Variants in ZNF563 observed in about 807,000 individuals in gnomAD.
The protein encoded by ZNF563 is zinc finger protein 563.
ZNF563 carries 39 observed loss-of-function variants against 48.5 expected under a neutral mutation model. The ratio of observed to expected loss-of-function variants is 0.80; its 90% confidence interval spans 0.62 to 1.05. The LOEUF (loss-of-function observed/expected upper bound fraction) is 1.05. ZNF563 is among the 50% of genes least tolerant of loss of function. ZNF563 has a pLI of 0.00. For synonymous variants in ZNF563, 168 were observed against 187.9 expected (o/e 0.89, Z 0.87); for missense variants, 538 against 597.0 (o/e 0.90, Z 1.03).
chr19:12,344,915 A>G, the ZNF563 span, among the ~76,000 whole-genome samples: 1 of 152,194 alleles, frequency 6.6e-6, no homozygotes, highest in African/African-American at 2.4e-5. Flanking sequence ...TCAGCTGCTA[A>G]CAATGAATAA....
chr19:12,323,277 G>A (rs1968682556), intron 1 of ZNF563, among the ~76,000 whole-genome samples: 2 of 152,200 alleles, frequency 1.3e-5, no homozygotes. Flanking sequence ...GAGTGTATGT[G>A]ATCAGCCACT....
chr19:12,323,387 G>A (rs1327527521), intron 1 of ZNF563, among the ~76,000 whole-genome samples: 1 of 152,228 alleles, frequency 6.6e-6, no homozygotes, highest in East Asian at 1.9e-4. Flanking sequence ...ATTGAGTCTT[G>A]AAGGTTCAGA....
At chr19:12,339,748 G>T in the ZNF563 span, among the ~76,000 whole-genome samples, 1 of 152,016 alleles carries the variant, frequency 6.6e-6, no homozygotes, top group Non-Finnish European at 1.5e-5. Flanking sequence ...GAAGGTGAAG[G>T]GAGAATATTT....
At chr19:12,343,722 ATTC>A in the ZNF563 span, among the ~76,000 whole-genome samples, 1 of 143,974 alleles carries the variant, frequency 6.9e-6, no homozygotes, top group South Asian at 2.2e-4. Flanking sequence ...TGAAGCATAA[ATTC>A]TTTTTTTTTT....
Position 12,319,455 on chromosome 19 carries a change from C to T in ZNF563, c.570G>A (p.Val190=). The T allele has an allele frequency of 1.2e-6, 2 of 1,614,218 alleles. No individual in the cohort carries two copies. Among genetic ancestry groups the T allele is most frequent in the Non-Finnish European group, 1.7e-6 (2 of 1,180,040 alleles). Residue 190 remains valine (V), a synonymous_variant, in exon 4 of 4, where the codon GTG becomes GTA. Coordinates refer to ENST00000293725, the MANE Select transcript of ZNF563 (RefSeq NM_145276.3). ...ATTTATAAGGTCTATTTCCACCTTG[C>T]ACTACCATGTGTCTTCGAAGGTTTC... ...SRRNLRRHMV[V]QGGNRPYKCK...
chr19:12,318,439 C>T lies in ZNF563; in HGVS notation c.*155G>A. On this transcript the variant is annotated 3_prime_UTR_variant, in exon 4 of 4. Transcript: ENST00000293725. ...TTCCCACATTCCTTATATCATACAG[C>T]ATCTCTCCAGTGTGAGATATTTCAT... 2.4e-6 allele frequency: 2 copies of T among 844,692 alleles called. No homozygotes were observed. The highest frequency in any genetic ancestry group is 3.6e-6 in the Non-Finnish European group (2 of 556,284). 52.3% of individuals were successfully genotyped at this position (844,692 alleles called of 1,614,324 possible).
chr19:12,319,183 T>C lies in ZNF563; in HGVS notation c.842A>G (p.Tyr281Cys). The change falls in exon 4 of 4, where the codon TAT becomes TGT. Residue 281 changes from tyrosine (Y) to cysteine (C), a missense_variant. Physicochemically the swap from Tyr to Cys is radical, Grantham distance 194 (BLOSUM62 -2). Transcript: ENST00000293725. ...GGCTTTCCCACACTGTTTACATGTA[T>C]ATGGTTTCTCTCCAGTGTGAGTTCT... is the stretch of plus-strand genomic sequence containing the variant. ...HERTHTGEKP[Y>C]TCKQCGKAFS... The C allele has an allele frequency of 6.2e-7, 1 of 1,614,208 alleles. No individual in the cohort carries two copies. The highest frequency in any genetic ancestry group is 8.5e-7 in the Non-Finnish European group (1 of 1,180,034).
upstream of ZNF563, among the ~76,000 whole-genome samples, chr19:12,334,510 G>C (rs1968994635): frequency 6.6e-6 from 1 of 152,116 alleles, no homozygotes; most frequent in Admixed American, 6.5e-5. Context: ...TGTGCCCTCT[G>C]CAGAGTGTGG....
the ZNF563 span, among the ~76,000 whole-genome samples, chr19:12,343,999 G>A: frequency 6.6e-6 from 1 of 151,912 alleles, no homozygotes; most frequent in Non-Finnish European, 1.5e-5. Flanking sequence ...AAAGTGCTGG[G>A]ATTACAGGCT....
At position 12,318,717 on chromosome 19, in the gene ZNF563, A is replaced by G; in HGVS notation, c.1308T>C (p.Phe436=). 6.2e-7 allele frequency: 1 copy of G among 1,614,228 alleles called. No individual in the cohort carries two copies. Among genetic ancestry groups the G allele is most frequent in the Non-Finnish European group, 8.5e-7 (1 of 1,180,034 alleles). ...CCGTATGCATTACCATATGTCTTCGAAAGCTTGAGCTATGAGATAACGCTT... is the reference window on the plus strand; with the variant it reads ...CCGTATGCATTACCATATGTCTTCGGAAGCTTGAGCTATGAGATAACGCTT... ...CGKALSHSSS[F]RRHMVMHTGD... is the part of the protein sequence containing the mutation. The change falls in exon 4 of 4, where the codon TTT becomes TTC. Residue 436 remains phenylalanine, a synonymous_variant. Coordinates refer to ENST00000293725, the MANE Select transcript of ZNF563 (RefSeq NM_145276.3).
At chr19:12,337,175 TGTC>T (rs1568481327), upstream of ZNF563, among the ~76,000 whole-genome samples, 1 of 152,112 alleles carries the variant, frequency 6.6e-6, no homozygotes, top group African/African-American at 2.4e-5. Context: ...ATAATATTAA[TGTC>T]ACCCCTTACC....
the ZNF563 span, among the ~76,000 whole-genome samples, chr19:12,339,827 A>G: frequency 1.3e-5 from 2 of 152,232 alleles, no homozygotes; most frequent in African/African-American, 4.8e-5. Flanking sequence ...AAGAAGCTCA[A>G]CGAACTCTAA....
the ZNF563 span, among the ~76,000 whole-genome samples, chr19:12,341,139 C>T: frequency 6.6e-6 from 1 of 152,192 alleles, no homozygotes; most frequent in Non-Finnish European, 1.5e-5. Context: ...TAGCCTCGAC[C>T]TCCTGGGTTC....
intron 2 of ZNF563, among the ~76,000 whole-genome samples, chr19:12,322,048 ATTATT>A (rs988647729): frequency 2.0e-5 from 3 of 151,702 alleles, no homozygotes; most frequent in Admixed American, 6.6e-5. Context: ...ACTTTTTTTT[ATTATT>A]TTATTTTATT....
chr19:12,332,186 T>A (rs1249326107), intron 1 of ZNF563, among the ~76,000 whole-genome samples: 1 of 151,978 alleles, frequency 6.6e-6, no homozygotes, highest in African/African-American at 2.4e-5. Flanking sequence ...GGGAAAAGGC[T>A]GTTAAATTAA....
At chr19:12,323,543 A>T (rs554498005) in intron 1 of ZNF563, among the ~76,000 whole-genome samples, 1 of 152,380 alleles carries the variant, frequency 6.6e-6, no homozygotes, top group South Asian at 2.1e-4. Context: ...ATGCCATCTA[A>T]GAACTCTGCA....
chr19:12,324,460 G>A (rs1379227079), intron 1 of ZNF563, among the ~76,000 whole-genome samples: 2 of 152,188 alleles, frequency 1.3e-5, no homozygotes, highest in Non-Finnish European at 2.9e-5. Flanking sequence ...GCTCACACCT[G>A]TAATCCCAGC....
chr19:12,328,581 T>G (rs973897178), intron 1 of ZNF563, among the ~76,000 whole-genome samples: 2 of 152,064 alleles, frequency 1.3e-5, no homozygotes, highest in African/African-American at 4.8e-5. Context: ...AAGACCAGCC[T>G]GACCAACATG....
Position 12,318,843 on chromosome 19 carries a change from T to C in ZNF563, c.1182A>G (p.Lys394=). The part of the protein sequence containing the change: ...MIMHTGGGPH[K]CKICGKAFVY... ...CAAAAGCTTTCCCACATATCTTGCA[T>C]TTATGAGGTCCACCTCCAGTGTGCA... Residue 394 remains lysine (K), a synonymous_variant, in exon 4 of 4, where the codon AAA becomes AAG. Transcript: ENST00000293725. The C allele has an allele frequency of 6.2e-7, 1 of 1,614,174 alleles. No homozygotes were observed. The highest frequency in any genetic ancestry group is 8.5e-7 in the Non-Finnish European group (1 of 1,180,022).
Sources: allele counts gnomAD v4.1 joint callset (sites outside exome capture counted in the v4.1 genomes callset), GRCh38; gene constraint gnomAD v4.1.1; transcripts MANE v1.5; gene names NCBI Gene and HGNC (gene_info 2026-07-23, HGNC 2026-07-21).